The following CYB5RL variants were observed in gnomAD, a reference collection of about 807,000 sequenced individuals.
CYB5RL encodes the protein cytochrome b5 reductase like, also known as NADH-cytochrome b5 reductase-like.
In CYB5RL, 38 loss-of-function variants were observed where a neutral mutation model predicts 37.5. The ratio of observed to expected loss-of-function variants is 1.01; its 90% CI spans 0.78 to 1.33. The LOEUF (loss-of-function observed/expected upper bound fraction) is 1.33, where lower values mean the gene tolerates loss of function less well. Among genes scored for constraint, CYB5RL ranks in the 40% most tolerant of loss-of-function variants. The probability of loss-of-function intolerance (pLI) is 0.00; values close to 1 mark genes in which losing one functional copy is unlikely to be tolerated. For missense variants in CYB5RL, 388 were observed against 394.4 expected, an observed-to-expected ratio of 0.98 and a Z score of 0.14; for synonymous variants, 141 against 151.9, an observed-to-expected ratio of 0.93 and a Z score of 0.53.
At chr1:54,192,004 G>C (rs1174332822) in intron 3 of CYB5RL, among the ~76,000 whole-genome samples, 1 of 152,114 alleles carries the variant, frequency 6.6e-6, no homozygotes, top group Non-Finnish European at 1.5e-5. Flanking sequence ...TAACTTTATA[G>C]GGTTACCATG....
At chr1:54,190,660 G>T in intron 4 of CYB5RL, 88 bp downstream of exon 4, 2 of 1,503,930 alleles carry the variant, frequency 1.3e-6, no homozygotes, top group South Asian at 2.4e-5. Flanking sequence ...GAGGCTTAAG[G>T]GAGAGTACGC....
At chr1:54,198,733 G>C (rs1330088588) in intron 1 of CYB5RL, among the ~76,000 whole-genome samples, 1 of 147,484 alleles carries the variant, frequency 6.8e-6, no homozygotes, top group Non-Finnish European at 1.5e-5. Context: ...CGAGGCCCAA[G>C]TGATCCTCCC....
intron 6 of CYB5RL, chr1:54,180,112 C>T (rs1000196634): frequency 2.3e-6 from 1 of 429,026 alleles, no homozygotes; most frequent in South Asian, 1.7e-5. Context: ...TGGTGCACGC[C>T]TGTAGTCCCA....
At chr1:54,197,919 T>C (rs1644024411) in intron 1 of CYB5RL, among the ~76,000 whole-genome samples, 1 of 149,474 alleles carries the variant, frequency 6.7e-6, no homozygotes, top group African/African-American at 2.5e-5. Flanking sequence ...TCCCAGCTAC[T>C]CGGGAGGCTG....
chr1:54,175,346 G>A (rs1291067332), intron 7 of CYB5RL, among the ~76,000 whole-genome samples: 2 of 152,228 alleles, frequency 1.3e-5, no homozygotes, highest in Non-Finnish European at 2.9e-5. Context: ...GAAGAGACAA[G>A]GGTCCTGGCT....
chr1:54,194,034 T>C (rs1276919619), intron 3 of CYB5RL, among the ~76,000 whole-genome samples: 1 of 148,634 alleles, frequency 6.7e-6, no homozygotes, highest in African/African-American at 2.5e-5. Context: ...ATAATGATAA[T>C]AATAATAATA....
rs779377235 is a variant in CYB5RL at position 54,184,236 on chromosome 1, A to G, written c.465T>C (p.Tyr155=). Reference sequence around the variant, plus strand: ...TGTCTCCTACTCTCCAGGACTCAACATACCGGGACATCAGCCCCATCTGGT... The same window carrying G: ...TGTCTCCTACTCTCCAGGACTCAACGTACCGGGACATCAGCCCCATCTGGT... The part of the protein sequence containing the change: ...KCYQMGLMSR[Y]VESWRVGDTA... Residue 155 remains tyrosine, a synonymous_variant, in exon 6 of 8, where the codon TAT becomes TAC. Coordinates refer to ENST00000534324, the MANE Select transcript of CYB5RL (RefSeq NM_001031672.4). 176 of 1,613,694 alleles carry G rather than the reference A, an allele frequency of 1.1e-4. No homozygotes were observed. Among genetic ancestry groups the G allele is most frequent in the Non-Finnish European group, 1.5e-4 (172 of 1,179,820 alleles).
Position 54,170,632 on chromosome 1 carries a change from C to A in CYB5RL, c.*3987G>T. 2 of 170,744 alleles carry A rather than the reference C, an allele frequency of 1.2e-5. No individual in the cohort carries two copies. Among genetic ancestry groups the A allele is most frequent in the East Asian group, 1.5e-4 (1 of 6,882 alleles). The allele number at this position is 170,744 out of a possible 1,614,324, so 10.6% of individuals were successfully genotyped here. On this transcript the variant is annotated 3_prime_UTR_variant, in exon 8 of 8. Coordinates refer to ENST00000534324, the MANE Select transcript of CYB5RL (RefSeq NM_001031672.4). The stretch of plus-strand genomic sequence containing the variant: ...TTCACCGTGTTAGCCAGGATGGTCT[C>A]AATCTCCTGACCTCGTGATCCACCT...
At chr1:54,188,897 A>G (rs1254915388) in intron 4 of CYB5RL, among the ~76,000 whole-genome samples, 2 of 152,242 alleles carry the variant, frequency 1.3e-5, no homozygotes, top group African/African-American at 4.8e-5. Context: ...TAATAAATGC[A>G]TATGAGGCTG....
In CYB5RL at chr1:54,179,291, T is replaced by C; in HGVS notation, c.602A>G (p.Gln201Arg). The C allele has an allele frequency of 6.2e-7, 1 of 1,613,904 alleles. No individual in the cohort carries two copies. The highest frequency in any genetic ancestry group is 1.1e-5 in the South Asian group (1 of 91,038). The change falls in exon 7 of 8, where the codon CAG becomes CGG. Residue 201 changes from glutamine (Q) to arginine (R), a missense_variant. Physicochemically the swap from Gln to Arg is conservative, Grantham distance 43 (BLOSUM62 1). Coordinates refer to ENST00000534324, the MANE Select transcript of CYB5RL (RefSeq NM_001031672.4). Reference protein sequence around the residue: ...TGLAPMVPILQSITDNENDET... With the variant: ...TGLAPMVPILRSITDNENDET... ...GTCATTCTCATTGTCTGTGATGCTC[T>C]GCAGGATAGGCACCATGGGGGCCAG...
intron 6 of CYB5RL, chr1:54,180,003 T>C (rs1164206310): frequency 4.4e-6 from 2 of 453,236 alleles, no homozygotes; most frequent in African/African-American, 4.0e-5. Context: ...CCTAGTACTT[T>C]GGGAGGCCAA....
At chr1:54,193,791 C>A (rs1643978673) in intron 3 of CYB5RL, among the ~76,000 whole-genome samples, 1 of 150,356 alleles carries the variant, frequency 6.7e-6, no homozygotes, top group Non-Finnish European at 1.5e-5. Flanking sequence ...CGTGGTAAAA[C>A]CCTGTCTCTG....
chr1:54,198,253 T>G lies in CYB5RL; in HGVS notation c.-223+1723A>C, dbSNP rs547336529. Among the ~76,000 whole-genome samples, 19 of 152,142 alleles carry G rather than the reference T, an allele frequency of 1.2e-4. No individual in the cohort carries two copies. The East Asian group carries it at 3.7e-3, about 29-fold the overall frequency. ...GGTGTTAGATCAACCCAATTCATTT[T>G]TATTGCATGCTATGGACCAGGTATG... On this transcript the variant is annotated intron_variant, in intron 1 of 7. Coordinates refer to ENST00000534324, the MANE Select transcript of CYB5RL (RefSeq NM_001031672.4).
At chr1:54,179,051 G>T in intron 7 of CYB5RL, 98 bp downstream of exon 7, 1 of 1,377,440 alleles carries the variant, frequency 7.3e-7, no homozygotes, top group Non-Finnish European at 1.0e-6. Context: ...TATGACCACA[G>T]CATCCATTGC....
chr1:54,177,982 C>T (rs77300082), intron 7 of CYB5RL, among the ~76,000 whole-genome samples: 6,997 of 152,284 alleles, frequency 0.046, 234 homozygotes, highest in Non-Finnish European at 0.071. Context: ...GGCTCTCAGG[C>T]AGGCTGCCCA....
rs1482187326 is a variant in CYB5RL, at chr1:54,174,597, G to C, written c.*22C>G. 1.3e-6 allele frequency: 2 copies of C among 1,592,062 alleles called. No homozygotes were observed. The highest frequency in any genetic ancestry group is 4.6e-5 in the East Asian group (2 of 43,860). On this transcript the variant is annotated 3_prime_UTR_variant, in exon 8 of 8. Transcript: ENST00000534324. Reference sequence around the variant, plus strand: ...GTCCCAGTAGCAGGCTCATGGCCTAGGCTTTGGAAGAGAGGCCAGGGCTAG... The same window carrying C: ...GTCCCAGTAGCAGGCTCATGGCCTACGCTTTGGAAGAGAGGCCAGGGCTAG...
chr1:54,190,544 A>C, intron 4 of CYB5RL: 1 of 666,930 alleles, frequency 1.5e-6, no homozygotes, highest in Non-Finnish European at 2.5e-6. Context: ...AGTAAATGCT[A>C]TTAAAGTGAT....
chr1:54,197,514 G>T (rs1158488668), intron 1 of CYB5RL, among the ~76,000 whole-genome samples: 1 of 151,872 alleles, frequency 6.6e-6, no homozygotes, highest in African/African-American at 2.4e-5. Flanking sequence ...AGTAGAGACA[G>T]GTCCTCCTGT....
rs1412561692 is a variant in CYB5RL at position 54,171,869 on chromosome 1, C to T, written c.*2750G>A. 1 of 187,958 alleles carries T rather than the reference C, an allele frequency of 5.3e-6. No individual in the cohort carries two copies. The highest frequency in any genetic ancestry group is 1.1e-5 in the Non-Finnish European group (1 of 87,632). 11.6% of individuals were successfully genotyped at this position (187,958 alleles called of 1,614,324 possible). On this transcript the variant is annotated 3_prime_UTR_variant, in exon 8 of 8. Transcript: ENST00000534324. ...TCAGCACCTTGTGGGGCACAGCACC[C>T]GACCCTGCACTCTCAAGTTTCCAGG...
Sources: allele counts gnomAD v4.1 joint callset (sites outside exome capture counted in the v4.1 genomes callset), GRCh38; gene constraint gnomAD v4.1.1; transcripts MANE v1.5; gene names NCBI Gene and HGNC (gene_info 2026-07-23, HGNC 2026-07-21).